PUS1: variants seen among roughly 807,000 people sequenced by gnomAD.
PUS1 encodes the protein pseudouridylate synthase 1 homolog.
In PUS1, 25 loss-of-function variants were observed where a neutral mutation model predicts 38.5. The ratio of observed to expected loss-of-function variants is 0.65; its 90% CI spans 0.47 to 0.91. The LOEUF is 0.91. Ranked by LOEUF, PUS1 falls within the 40% of genes least tolerant of loss-of-function variation. The pLI is 0.00. For missense variants in PUS1, 597 were observed against 612.3 expected (o/e 0.97, Z 0.26); for synonymous variants, 282 against 260.4 (o/e 1.08, Z -0.80).
rs764150814 is a variant in PUS1 at position 131,941,980 on chromosome 12, C to T, written c.1233C>T (p.Ala411=). Residue 411 remains alanine (A), a synonymous_variant, in exon 5 of 6, where the codon GCC becomes GCT. Transcript: ENST00000376649. The surrounding 1 kb of genome is among the most constrained non-coding windows in gnomAD (Gnocchi z 4.4). ...CTCTCACGGCAGGTGGCACGGGCGC[C>T]AAGGTAGGGGCACAGTCCCAGCAGT... The part of the protein sequence containing the change: ...ATALTAGGTG[A]KVPSPLEGSE... 6.2e-7 allele frequency: 1 copy of T among 1,611,874 alleles called. No homozygotes were observed. Among genetic ancestry groups the T allele is most frequent in the South Asian group, 1.1e-5 (1 of 90,900 alleles).
chr12:131,933,255 TC>T (rs971072474), intron 3 of PUS1, among the ~76,000 whole-genome samples: 2 of 150,600 alleles, frequency 1.3e-5, no homozygotes, highest in African/African-American at 4.9e-5. Context: ...GGTCTCAAAC[TC>T]CTGGGCTCCA....
In PUS1 at chr12:131,940,869, G is replaced by A. The variant is rs192774869; in HGVS notation, c.545-423G>A. On this transcript the variant is annotated intron_variant, in intron 4 of 5. Coordinates refer to ENST00000376649, the MANE Select transcript of PUS1 (RefSeq NM_025215.6). ...ATTACAGGCATGAGCCACTGCGCCC[G>A]GCTGCTTTTATTATTTTAAATTCAC... 89 of 182,862 alleles carry A rather than the reference G, an allele frequency of 4.9e-4. No individual in the cohort carries two copies. The East Asian group carries it at 9.3e-3, about 19-fold the overall frequency. The allele number at this position is 182,862 out of a possible 1,614,324, so 11.3% of individuals were successfully genotyped here.
intron 2 of PUS1, 106 bp downstream of exon 2, chr12:131,930,241 G>A: frequency 1.6e-6 from 1 of 640,090 alleles, no homozygotes; most frequent in Non-Finnish European, 2.3e-6. Context: ...CGGTCGCCCA[G>A]GTAGCGGCGG....
intron 3 of PUS1, among the ~76,000 whole-genome samples, chr12:131,935,363 T>G (rs1041678498): frequency 3.3e-5 from 5 of 152,266 alleles, no homozygotes; most frequent in African/African-American, 1.2e-4. Context: ...AATAGGGTCC[T>G]TGTATTTATT....
chr12:131,942,659 G>A (rs1268867038), intron 5 of PUS1, among the ~76,000 whole-genome samples: 1 of 152,194 alleles, frequency 6.6e-6, no homozygotes, highest in Non-Finnish European at 1.5e-5. Flanking sequence ...ACCCGCCTTG[G>A]CCTCCCAAAG....
chr12:131,937,577 T>A (rs1277323044), intron 3 of PUS1, among the ~76,000 whole-genome samples: 1 of 152,326 alleles, frequency 6.6e-6, no homozygotes, highest in African/African-American at 2.4e-5. Flanking sequence ...GATTTCACCA[T>A]GTTGGTAAGG....
At chr12:131,931,696 A>C in intron 2 of PUS1, 1 of 188,358 alleles carries the variant, frequency 5.3e-6, no homozygotes, top group Non-Finnish European at 1.1e-5. Context: ...ACGCCCGGCT[A>C]ATTTTTGTAT....
Position 131,942,085 on chromosome 12 carries a change from G to A in PUS1, c.1236+102G>A, listed in dbSNP as rs138670684. Reference sequence around the variant, plus strand: ...GCACAGAGAAGTGTGTCACTTCCCCGCAAGGCCACACAGCTGCTGCAGGAG... The same window carrying A: ...GCACAGAGAAGTGTGTCACTTCCCCACAAGGCCACACAGCTGCTGCAGGAG... On this transcript the variant is annotated intron_variant, in intron 5 of 5. Coordinates refer to ENST00000376649, the MANE Select transcript of PUS1 (RefSeq NM_025215.6). The A allele has an allele frequency of 2.5e-4, 270 of 1,089,428 alleles. 1 individual carries two copies. In the East Asian group the frequency reaches 2.8e-3, roughly 11 times the overall value. The allele number at this position is 1,089,428 out of a possible 1,614,324, so 67.5% of individuals were successfully genotyped here.
chr12:131,939,209 G>A lies in PUS1; in HGVS notation c.478G>A (p.Val160Met). Residue 160 changes from valine to methionine, a missense_variant, in exon 4 of 6, where the codon GTG (valine) becomes ATG (methionine). Physicochemically the swap from Val to Met is conservative, Grantham distance 21. Transcript: ENST00000376649. ...AGCCGGCCAGGTGGTATCCCTGAAG[G>A]TGTGGCTGATTGACGACATTCTAGA... ...SAAGQVVSLK[V>M]WLIDDILEKI... 6.4e-7 allele frequency: 1 copy of A among 1,561,978 alleles called. No homozygotes were observed. The highest frequency in any genetic ancestry group is 1.4e-5 in the African/African-American group (1 of 73,432).
intron 2 of PUS1, among the ~76,000 whole-genome samples, chr12:131,930,551 G>C (rs923994381): frequency 6.6e-6 from 1 of 152,232 alleles, no homozygotes; most frequent in African/African-American, 2.4e-5. Context: ...AAGTATTAAA[G>C]TTGTGAGGAT....
chr12:131,943,773 T>C lies in PUS1; in HGVS notation c.*187T>C. ...CTCGAATCTGTTTTCAGCTCTTGCA[T>C]TGCATAGATGAACCTCAGCATGTAA... On this transcript the variant is annotated 3_prime_UTR_variant, in exon 6 of 6. Transcript: ENST00000376649. 1 of 616,488 alleles carries C rather than the reference T, an allele frequency of 1.6e-6. No homozygotes were observed. The highest frequency in any genetic ancestry group is 2.6e-5 in the Admixed American group (1 of 39,178). The allele number at this position is 616,488 out of a possible 1,614,324, so 38.2% of individuals were successfully genotyped here. A position where few individuals can be genotyped will look rare whatever the true frequency, so the allele number is the denominator to read the frequency against.
rs1456592971 is a variant in PUS1 at position 131,939,283 on chromosome 12, T to C, written c.544+8T>C. 6.5e-7 allele frequency: 1 copy of C among 1,535,376 alleles called. No homozygotes were observed. Among genetic ancestry groups the C allele is most frequent in the South Asian group, 1.2e-5 (1 of 84,140 alleles). On this transcript the variant is annotated splice_region_variant and intron_variant, in intron 4 of 5. Coordinates refer to ENST00000376649, the MANE Select transcript of PUS1 (RefSeq NM_025215.6). ...CTCACATTCGGATTCTGGGTAAGCC[T>C]TGCAGTGCAGGCGGCCACACACCTG...
chr12:131,941,954 G>A lies in PUS1; in HGVS notation c.1207G>A (p.Ala403Thr), dbSNP rs771486572. The A allele has an allele frequency of 8.6e-5, 138 of 1,612,802 alleles. No individual in the cohort carries two copies. The highest frequency in any genetic ancestry group is 1.6e-4 in the Middle Eastern group (1 of 6,062). ...GCCCATCCACAACTTCAGTGCCACCGCTCTCACGGCAGGTGGCACGGGCGC... is the reference window on the plus strand; with the variant it reads ...GCCCATCCACAACTTCAGTGCCACCACTCTCACGGCAGGTGGCACGGGCGC... Reference protein sequence around the residue: ...TLPIHNFSATALTAGGTGAKV... With the variant: ...TLPIHNFSATTLTAGGTGAKV... Residue 403 changes from alanine to threonine, a missense_variant, in exon 5 of 6, where the codon GCT (alanine) becomes ACT (threonine). By Grantham distance (58) the Ala-to-Thr change is moderately conservative (BLOSUM62 0). Transcript: ENST00000376649. The surrounding 1 kb of genome is among the most constrained non-coding windows in gnomAD (Gnocchi z 4.4).
At chr12:131,940,279 C>T (rs893309560) in intron 4 of PUS1, among the ~76,000 whole-genome samples, 1 of 152,228 alleles carries the variant, frequency 6.6e-6, no homozygotes, top group Admixed American at 6.5e-5. Flanking sequence ...AGTTTACCTG[C>T]CTCAGCCTCC....
At chr12:131,937,587 G>C (rs1890884202) in intron 3 of PUS1, among the ~76,000 whole-genome samples, 1 of 152,266 alleles carries the variant, frequency 6.6e-6, no homozygotes, top group Non-Finnish European at 1.5e-5. Context: ...TGTTGGTAAG[G>C]CTAGTCTCGA....
At position 131,943,641 on chromosome 12, in the gene PUS1, G is replaced by A; in HGVS notation, c.*55G>A. On this transcript the variant is annotated 3_prime_UTR_variant, in exon 6 of 6. Coordinates refer to ENST00000376649, the MANE Select transcript of PUS1 (RefSeq NM_025215.6). Reference sequence around the variant, plus strand: ...CTGAGCAGCTCACAGTGTGTGCCCAGATGTGCCACCCCTGTGGGCAGCAAG... The same window carrying A: ...CTGAGCAGCTCACAGTGTGTGCCCAAATGTGCCACCCCTGTGGGCAGCAAG... 2.5e-5 allele frequency: 36 copies of A among 1,416,758 alleles called. No individual in the cohort carries two copies. The highest frequency in any genetic ancestry group is 1.3e-4 in the South Asian group (11 of 87,220). The allele number at this position is 1,416,758 out of a possible 1,614,324, so 87.8% of individuals were successfully genotyped here.
intron 3 of PUS1, among the ~76,000 whole-genome samples, chr12:131,936,585 G>C (rs1347851366): frequency 1.3e-5 from 2 of 148,674 alleles, no homozygotes; most frequent in South Asian, 2.1e-4. Flanking sequence ...CAAAACAAAA[G>C]AAACAAAAAG....
At chr12:131,936,168 G>A (rs1450224665) in intron 3 of PUS1, among the ~76,000 whole-genome samples, 1 of 151,272 alleles carries the variant, frequency 6.6e-6, no homozygotes, top group Non-Finnish European at 1.5e-5. Flanking sequence ...CTGAGATGGT[G>A]CCACTGCACT....
chr12:131,937,785 A>G (rs537746837), intron 3 of PUS1, among the ~76,000 whole-genome samples: 8 of 152,188 alleles, frequency 5.3e-5, no homozygotes, highest in East Asian at 3.9e-4. Flanking sequence ...GGCTCAAGCA[A>G]TCTTCCTACC....
Sources: gnomAD v4.1 joint callset for allele counts (sites outside exome capture counted in the v4.1 genomes callset) on GRCh38, gnomAD v4.1.1 for gene constraint, Gnocchi (gnomAD v3.1) non-coding constraint, MANE v1.5 for transcripts, NCBI Gene and HGNC (gene_info 2026-07-23, HGNC 2026-07-21) for gene names.